Variants in ST6GALNAC5 observed in about 807,000 individuals in gnomAD.
ST6GALNAC5 encodes ST6 N-acetylgalactosaminide alpha-2,6-sialyltransferase 5.
Under a neutral mutation model 33.6 loss-of-function variants are expected in ST6GALNAC5, and 27 were observed. That is an observed-to-expected ratio of 0.80 (90% CI 0.59 to 1.11). The LOEUF (loss-of-function observed/expected upper bound fraction) is 1.11, where lower values mean the gene tolerates loss of function less well. Among genes scored for constraint, ST6GALNAC5 ranks in the 50% least tolerant of loss-of-function variants. The pLI is 0.00. For missense variants in ST6GALNAC5, 428 were observed against 454.0 expected (o/e 0.94, Z 0.52); for synonymous variants, 194 against 171.2 (o/e 1.13, Z -1.04).
chr1:77,031,263 A>G (rs940721549), intron 2 of ST6GALNAC5, among the ~76,000 whole-genome samples: 2 of 152,222 alleles, frequency 1.3e-5, no homozygotes, highest in African/African-American at 4.8e-5. Context: ...CTGGTAGCTC[A>G]TCAAGATGGT....
chr1:76,917,115 G>A (rs943394817), intron 2 of ST6GALNAC5, among the ~76,000 whole-genome samples: 2 of 152,108 alleles, frequency 1.3e-5, no homozygotes, highest in Non-Finnish European at 2.9e-5. Flanking sequence ...TTTTGATTTG[G>A]TAAAGGAAAT....
At chr1:76,903,375 AT>A (rs1646836286) in intron 2 of ST6GALNAC5, among the ~76,000 whole-genome samples, 1 of 152,180 alleles carries the variant, frequency 6.6e-6, no homozygotes, top group Non-Finnish European at 1.5e-5. Flanking sequence ...ATTGAAAAAA[AT>A]ATAACAACAA....
chr1:76,878,836 A>G (rs1036362489), intron 2 of ST6GALNAC5, among the ~76,000 whole-genome samples: 3 of 152,172 alleles, frequency 2.0e-5, no homozygotes, highest in Non-Finnish European at 4.4e-5. Context: ...TAGGAACACC[A>G]TGATTAATTA....
chr1:77,042,587 C>T (rs981333267), intron 2 of ST6GALNAC5, among the ~76,000 whole-genome samples: 1 of 152,132 alleles, frequency 6.6e-6, no homozygotes, highest in African/African-American at 2.4e-5. Flanking sequence ...TTTATGGACC[C>T]CTGCATTCTC....
At chr1:76,914,994 A>T (rs1646954818) in intron 2 of ST6GALNAC5, among the ~76,000 whole-genome samples, 1 of 151,130 alleles carries the variant, frequency 6.6e-6, no homozygotes, top group South Asian at 2.1e-4. Flanking sequence ...CAAATTTACA[A>T]GAAAAAAACA....
At chr1:77,055,913 GTGTT>G in intron 4 of ST6GALNAC5, among the ~76,000 whole-genome samples, 1 of 152,348 alleles carries the variant, frequency 6.6e-6, no homozygotes, top group South Asian at 2.1e-4. Context: ...GTCCATGGGG[GTGTT>G]TAAGAGATTG....
chr1:76,933,774 A>G (rs1647168549), intron 2 of ST6GALNAC5, among the ~76,000 whole-genome samples: 2 of 151,198 alleles, frequency 1.3e-5, no homozygotes, highest in African/African-American at 4.8e-5. Flanking sequence ...AAAAAAAAAA[A>G]AAAAAAAAAA....
chr1:76,953,085 A>G (rs570516618), intron 2 of ST6GALNAC5, among the ~76,000 whole-genome samples: 1 of 152,234 alleles, frequency 6.6e-6, no homozygotes, highest in East Asian at 1.9e-4. Flanking sequence ...CCATTCACCC[A>G]TTGATAGACA....
chr1:76,946,090 G>A (rs1256390700), intron 2 of ST6GALNAC5, among the ~76,000 whole-genome samples: 1 of 151,996 alleles, frequency 6.6e-6, no homozygotes, highest in African/African-American at 2.4e-5. Context: ...ATTATCCAGT[G>A]ACCTTGGCTA....
At chr1:76,964,317 A>C (rs1648367868) in intron 2 of ST6GALNAC5, among the ~76,000 whole-genome samples, 1 of 152,082 alleles carries the variant, frequency 6.6e-6, no homozygotes, top group South Asian at 2.1e-4. Flanking sequence ...TCCACAACCC[A>C]CAATTGTTCA....
chr1:76,908,496 G>C (rs761112471), intron 2 of ST6GALNAC5, among the ~76,000 whole-genome samples: 12 of 152,144 alleles, frequency 7.9e-5, no homozygotes, highest in South Asian at 2.1e-4. Flanking sequence ...TGGATCTGAG[G>C]GGGACAAAAC....
intron 2 of ST6GALNAC5, among the ~76,000 whole-genome samples, chr1:76,903,379 A>G (rs1476130811): frequency 1.3e-5 from 2 of 152,142 alleles, no homozygotes; most frequent in African/African-American, 4.8e-5. Flanking sequence ...AAAAAAATAT[A>G]ACAACAACTT....
At chr1:76,997,596 A>T (rs951770162) in intron 2 of ST6GALNAC5, among the ~76,000 whole-genome samples, 6 of 152,212 alleles carry the variant, frequency 3.9e-5, no homozygotes, top group Admixed American at 2.0e-4. Flanking sequence ...TGTGGGTATC[A>T]TGTCAAGATC....
At chr1:77,037,221 GA>G (rs1351568330) in intron 2 of ST6GALNAC5, among the ~76,000 whole-genome samples, 1 of 152,160 alleles carries the variant, frequency 6.6e-6, no homozygotes, top group Non-Finnish European at 1.5e-5. Context: ...ATACAGCCAT[GA>G]AAAATGAAAT....
chr1:76,988,952 A>G (rs79725032), intron 2 of ST6GALNAC5, among the ~76,000 whole-genome samples: 2,447 of 152,260 alleles, frequency 0.016, 64 homozygotes, highest in African/African-American at 0.056. Flanking sequence ...AAGAGTTTGC[A>G]TATATATTCT....
At chr1:76,875,974 A>G (rs1259008388) in intron 2 of ST6GALNAC5, among the ~76,000 whole-genome samples, 1 of 152,158 alleles carries the variant, frequency 6.6e-6, no homozygotes, top group African/African-American at 2.4e-5. Context: ...CTGCCACACT[A>G]CTTTAGCTGT....
intron 2 of ST6GALNAC5, among the ~76,000 whole-genome samples, chr1:76,972,365 G>A (rs1252031211): frequency 6.6e-6 from 1 of 152,146 alleles, no homozygotes; most frequent in Non-Finnish European, 1.5e-5. Flanking sequence ...TACAATTCAA[G>A]TTGAGATTTG....
chr1:76,980,564 T>TC (rs1215362216), intron 2 of ST6GALNAC5, among the ~76,000 whole-genome samples: 2 of 152,196 alleles, frequency 1.3e-5, no homozygotes, highest in Non-Finnish European at 2.9e-5. Flanking sequence ...GACTAATTTT[T>TC]CCTACTGGAT....
intron 2 of ST6GALNAC5, among the ~76,000 whole-genome samples, chr1:76,888,223 G>A (rs894959123): frequency 7.9e-5 from 12 of 151,878 alleles, no homozygotes; most frequent in African/African-American, 2.9e-4. Context: ...AACATTAATG[G>A]TACATATGCA....
Sources: gnomAD v4.1 joint callset for allele counts (sites outside exome capture counted in the v4.1 genomes callset) on GRCh38, gnomAD v4.1.1 for gene constraint, MANE v1.5 for transcripts, NCBI Gene and HGNC (gene_info 2026-07-23, HGNC 2026-07-21) for gene names.